ATP11A: variants seen among roughly 807,000 people sequenced by gnomAD.
The protein encoded by ATP11A is phospholipid-transporting ATPase IH.
A neutral mutation model predicts 154.4 loss-of-function variants in ATP11A; 81 were observed. The observed-to-expected ratio is 0.52, with a 90% CI of 0.44 to 0.63. The LOEUF (loss-of-function observed/expected upper bound fraction) is 0.63, where lower values mean the gene tolerates loss of function less well. ATP11A is among the 30% of genes least tolerant of loss of function. The pLI is 0.00. For synonymous variants in ATP11A, 623 were observed against 585.9 expected (o/e 1.06, Z -0.91); for missense variants, 1,316 against 1,474.3 (o/e 0.89, Z 1.76).
chr13:112,702,027 C>T (rs186658815), intron 1 of ATP11A, among the ~76,000 whole-genome samples: 1 of 152,118 alleles, frequency 6.6e-6, no homozygotes, highest in East Asian at 2.0e-4. Context: ...GCAGTTCCTC[C>T]TCTTGTCACA....
At chr13:112,768,717 G>A (rs1195245168) in intron 1 of ATP11A, among the ~76,000 whole-genome samples, 1 of 152,188 alleles carries the variant, frequency 6.6e-6, no homozygotes, top group Non-Finnish European at 1.5e-5. Flanking sequence ...TCTTTAGAAG[G>A]AGGGACTCAG....
intron 1 of ATP11A, among the ~76,000 whole-genome samples, chr13:112,719,507 G>A (rs1458220644): frequency 6.6e-6 from 1 of 152,192 alleles, no homozygotes; most frequent in African/African-American, 2.4e-5. Flanking sequence ...TTTAGTTATA[G>A]ATCTGATTGG....
intron 2 of ATP11A, among the ~76,000 whole-genome samples, chr13:112,798,048 G>A (rs1214378342): frequency 1.3e-5 from 2 of 152,176 alleles, no homozygotes; most frequent in South Asian, 2.1e-4. Flanking sequence ...GGGGAAGGCT[G>A]TGTCCTTATG....
chr13:112,844,531 C>T (rs752550857), intron 17 of ATP11A, among the ~76,000 whole-genome samples: 18 of 152,188 alleles, frequency 1.2e-4, no homozygotes, highest in Non-Finnish European at 2.5e-4. Flanking sequence ...GCTCCACTCG[C>T]CGTCACTGCA....
rs61150936 is a variant in ATP11A, at chr13:112,868,220, C to T, written c.2992-3515C>T. On this transcript the variant is annotated intron_variant, in intron 25 of 29. Transcript: ENST00000375645. Reference sequence around the variant, plus strand: ...GCGATGAGAGCAGCTGAAACACGAGCGGTCCGCGTATGGGCCAGGTGGGAG... The same window carrying T: ...GCGATGAGAGCAGCTGAAACACGAGTGGTCCGCGTATGGGCCAGGTGGGAG... Among the ~76,000 whole-genome samples the T allele has an allele frequency of 8.8e-4, 134 of 152,310 alleles. No individual in the cohort carries two copies. In the East Asian group the frequency reaches 0.023, roughly 26 times the overall value.
Position 112,725,010 on chromosome 13 carries a change from C to T in ATP11A, c.39+34555C>T, listed in dbSNP as rs185523664. Among the ~76,000 whole-genome samples, 225 of 152,328 alleles carry T rather than the reference C, an allele frequency of 1.5e-3. 6 individuals are homozygous for T. The East Asian group carries it at 0.037, about 25-fold the overall frequency. Reference sequence around the variant, plus strand: ...GACCTGGTCCCCACGTCATTTTCTTCTCCCTTGGGGTGGATTGTCTGTGGG... The same window carrying T: ...GACCTGGTCCCCACGTCATTTTCTTTTCCCTTGGGGTGGATTGTCTGTGGG... On this transcript the variant is annotated intron_variant, in intron 1 of 29. Coordinates refer to ENST00000375645, the MANE Select transcript of ATP11A (RefSeq NM_015205.3).
intron 24 of ATP11A, among the ~76,000 whole-genome samples, chr13:112,861,128 A>G (rs992433362): frequency 2.0e-5 from 3 of 152,074 alleles, no homozygotes; most frequent in Non-Finnish European, 4.4e-5. Context: ...TTTCCTTTAT[A>G]AAACCATCAG....
At chr13:112,703,041 A>G (rs1183836790) in intron 1 of ATP11A, among the ~76,000 whole-genome samples, 1 of 152,260 alleles carries the variant, frequency 6.6e-6, no homozygotes, top group African/African-American at 2.4e-5. Flanking sequence ...TTTTATTGTT[A>G]TGTAAGCACC....
chr13:112,789,743 C>G (rs552373422), intron 2 of ATP11A, among the ~76,000 whole-genome samples: 1 of 150,958 alleles, frequency 6.6e-6, no homozygotes, highest in Admixed American at 6.6e-5. Flanking sequence ...GATGTGTAGA[C>G]CCCTGTGGAG....
intron 1 of ATP11A, among the ~76,000 whole-genome samples, chr13:112,723,173 A>G (rs969433830): frequency 6.6e-6 from 1 of 151,356 alleles, no homozygotes; most frequent in South Asian, 2.1e-4. Flanking sequence ...AGTGCCACAG[A>G]GTCTGGTTTT....
At chr13:112,872,675 C>T (rs1457545701) in intron 26 of ATP11A, among the ~76,000 whole-genome samples, 1 of 152,250 alleles carries the variant, frequency 6.6e-6, no homozygotes. Flanking sequence ...GAATGACTTT[C>T]TTCGGTGACG....
Position 112,875,424 on chromosome 13 carries a change from G to A in ATP11A, c.3162-352G>A, listed in dbSNP as rs562809915. On this transcript the variant is annotated intron_variant, in intron 27 of 29. Transcript: ENST00000375645. The surrounding 1 kb of genome is among the most constrained non-coding windows in gnomAD (Gnocchi z 4.1). ...TGTACTGACGACCAGTGCTCGGGACGTCCTTCCCATCCGAGACTTCAAGAT... is the reference window on the plus strand; with the variant it reads ...TGTACTGACGACCAGTGCTCGGGACATCCTTCCCATCCGAGACTTCAAGAT... Among the ~76,000 whole-genome samples, 3 of 151,892 alleles carry A rather than the reference G, an allele frequency of 2.0e-5. No individual in the cohort carries two copies. Among genetic ancestry groups the A allele is most frequent in the East Asian group, 1.9e-4 (1 of 5,162 alleles).
chr13:112,804,779 C>T (rs894439441), intron 2 of ATP11A, among the ~76,000 whole-genome samples, 178 bp from the exon 3 acceptor site: 2 of 152,118 alleles, frequency 1.3e-5, no homozygotes, highest in Admixed American at 6.5e-5. Flanking sequence ...TCAGAGTACA[C>T]ACTTTGTTTA....
At position 112,859,182 on chromosome 13, in the gene ATP11A, G is replaced by A. The variant is rs184873052; in HGVS notation, c.2668-211G>A. 17 of 567,844 alleles carry A rather than the reference G, an allele frequency of 3.0e-5. No homozygotes were observed. Among genetic ancestry groups the A allele is most frequent in the African/African-American group, 9.4e-5 (5 of 53,244 alleles). 35.2% of individuals were successfully genotyped at this position (567,844 alleles called of 1,614,324 possible). A position where few individuals can be genotyped will look rare whatever the true frequency, so the allele number is the denominator to read the frequency against. On this transcript the variant is annotated intron_variant, in intron 22 of 29. Transcript: ENST00000375645. The surrounding 1 kb of genome is among the most constrained non-coding windows in gnomAD (Gnocchi z 4.3). ...TGGAGCTGACAAATTTCCTCTATACGTTGTCTGTCCTGAGTGGCCAAAACG... is the reference window on the plus strand; with the variant it reads ...TGGAGCTGACAAATTTCCTCTATACATTGTCTGTCCTGAGTGGCCAAAACG...
At chr13:112,755,887 C>T (rs1449591794) in intron 1 of ATP11A, among the ~76,000 whole-genome samples, 1 of 87,280 alleles carries the variant, frequency 1.1e-5, no homozygotes, top group Non-Finnish European at 2.1e-5. Flanking sequence ...GCACTCAGAG[C>T]GGCTCCCAGA....
At position 112,882,107 on chromosome 13, in the gene ATP11A, C is replaced by T; in HGVS notation, c.*241C>T. On this transcript the variant is annotated 3_prime_UTR_variant, in exon 30 of 30. Transcript: ENST00000375645. This position sits in a 1 kb window ranked among gnomAD's most constrained non-coding sequence, Gnocchi z 5.1. Reference sequence around the variant, plus strand: ...GTGGAGACTGTGCACGTGCCTCTTCCTGGCCCCCAGCAGGCAAGGAGGGGG... The same window carrying T: ...GTGGAGACTGTGCACGTGCCTCTTCTTGGCCCCCAGCAGGCAAGGAGGGGG... The T allele has an allele frequency of 3.0e-6, 4 of 1,346,884 alleles. No homozygotes were observed. The highest frequency in any genetic ancestry group is 4.0e-6 in the Non-Finnish European group (4 of 1,009,760). The allele number at this position is 1,346,884 out of a possible 1,614,324, so 83.4% of individuals were successfully genotyped here.
intron 12 of ATP11A, among the ~76,000 whole-genome samples, chr13:112,828,480 G>A (rs116819656): frequency 1.3e-4 from 19 of 147,498 alleles, no homozygotes; most frequent in African/African-American, 4.8e-4. Context: ...CAGAAGTGTT[G>A]AGTATGGAGG....
At chr13:112,768,773 C>T (rs1347196467) in intron 1 of ATP11A, among the ~76,000 whole-genome samples, 2 of 152,182 alleles carry the variant, frequency 1.3e-5, no homozygotes, top group Non-Finnish European at 1.5e-5. Context: ...CCGCTGGGCT[C>T]GTGGGTGACG....
At chr13:112,693,002 T>C (rs1441155776) in intron 1 of ATP11A, among the ~76,000 whole-genome samples, 1 of 152,244 alleles carries the variant, frequency 6.6e-6, no homozygotes, top group Admixed American at 6.5e-5. Context: ...TCAGAATTCC[T>C]GGGACAAAGA....
Sources: allele counts gnomAD v4.1 joint callset (sites outside exome capture counted in the v4.1 genomes callset), GRCh38; gene constraint gnomAD v4.1.1; non-coding constraint Gnocchi (gnomAD v3.1); transcripts MANE v1.5; gene names NCBI Gene and HGNC (gene_info 2026-07-23, HGNC 2026-07-21).